The following LRBA variants were observed in gnomAD, a reference collection of about 807,000 sequenced individuals.
LRBA encodes the protein LPS responsive beige-like anchor protein, also known as lipopolysaccharide-responsive and beige-like anchor protein.
In LRBA, 176 loss-of-function variants were observed where a neutral mutation model predicts 330.0. The observed-to-expected ratio is 0.53, with a 90% confidence interval of 0.47 to 0.60. LRBA has a LOEUF of 0.60. Ranked by LOEUF, LRBA falls within the 20% of genes least tolerant of loss-of-function variation. The pLI is 0.00. For synonymous variants in LRBA, 1,230 were observed against 1,193.0 expected, an observed-to-expected ratio of 1.03 and a Z score of -0.64; for missense variants, 3,259 against 3,444.8, an observed-to-expected ratio of 0.95 and a Z score of 1.35.
At chr4:150,460,213 T>C (rs1428986875) in intron 44 of LRBA, among the ~76,000 whole-genome samples, 2 of 151,848 alleles carry the variant, frequency 1.3e-5, no homozygotes, top group African/African-American at 2.4e-5. Context: ...ATGTCGGTAG[T>C]CAATTCCAGG....
At chr4:150,389,188 G>T (rs1743520447) in intron 47 of LRBA, among the ~76,000 whole-genome samples, 2 of 151,936 alleles carry the variant, frequency 1.3e-5, no homozygotes, top group South Asian at 4.2e-4. Context: ...CTAGGAAAAT[G>T]CCAATTAAGA....
At chr4:150,900,590 C>T (rs571585999) in intron 13 of LRBA, among the ~76,000 whole-genome samples, 1 of 152,012 alleles carries the variant, frequency 6.6e-6, no homozygotes, top group Non-Finnish European at 1.5e-5. Flanking sequence ...TTTGAAAAAG[C>T]TAGAATTTCT....
rs530928202 is a variant in LRBA, at chr4:150,832,729, A to G, written c.4570-753T>C. ...GTGCCAAAAAATAAACATGCAGAAG[A>G]AAAAAACTGAAGCTATTAGATACAG... On this transcript the variant is annotated intron_variant, in intron 28 of 56. Coordinates refer to ENST00000651943, the MANE Select transcript of LRBA (RefSeq NM_001364905.1). Among the ~76,000 whole-genome samples, 5 of 152,316 alleles carry G rather than the reference A, an allele frequency of 3.3e-5. No homozygotes were observed. The East Asian group carries it at 9.6e-4, about 29-fold the overall frequency.
chr4:150,648,215 A>C (rs919210129), intron 37 of LRBA, among the ~76,000 whole-genome samples: 5 of 147,218 alleles, frequency 3.4e-5, no homozygotes, highest in Non-Finnish European at 6.0e-5. Context: ...CCAGTGGAAC[A>C]AAATAACTTG....
intron 46 of LRBA, 39 bp from the exon 47 acceptor site, chr4:150,415,629 T>C (rs554526815): frequency 2.5e-6 from 3 of 1,205,494 alleles, no homozygotes; most frequent in South Asian, 1.3e-5. Context: ...TTATAAACTG[T>C]AGGATACTGA....
intron 2 of LRBA, among the ~76,000 whole-genome samples, chr4:150,995,958 CT>C (rs1742586316): frequency 6.6e-6 from 1 of 151,498 alleles, no homozygotes; most frequent in Admixed American, 6.6e-5. Context: ...TAGGGAGAGT[CT>C]TCAGTAGAGG....
intron 37 of LRBA, among the ~76,000 whole-genome samples, chr4:150,649,339 T>C (rs1779495155): frequency 6.6e-6 from 1 of 152,194 alleles, no homozygotes; most frequent in African/African-American, 2.4e-5. Flanking sequence ...TCTCATTTTA[T>C]TTCTCACCAA....
At chr4:150,374,646 T>C (rs1488529598) in intron 47 of LRBA, among the ~76,000 whole-genome samples, 2 of 152,226 alleles carry the variant, frequency 1.3e-5, no homozygotes, top group African/African-American at 2.4e-5. Context: ...GAAATGCTTA[T>C]TGAAGAATTT....
chr4:150,764,103 T>C (rs969179827), intron 34 of LRBA, among the ~76,000 whole-genome samples: 4 of 151,908 alleles, frequency 2.6e-5, no homozygotes, highest in Non-Finnish European at 5.9e-5. Flanking sequence ...ACAGAAAACT[T>C]CAAAATAGAA....
intron 42 of LRBA, among the ~76,000 whole-genome samples, chr4:150,484,692 C>A (rs900164950): frequency 1.3e-5 from 2 of 151,376 alleles, no homozygotes; most frequent in African/African-American, 4.8e-5. Context: ...TTCCCACATT[C>A]TTCAGATTGA....
At chr4:150,609,077 G>A (rs1001635043) in intron 37 of LRBA, among the ~76,000 whole-genome samples, 57 of 152,152 alleles carry the variant, frequency 3.7e-4, no homozygotes, top group African/African-American at 1.4e-3. Flanking sequence ...GAAGTACTTG[G>A]TTAGCTATCT....
intron 38 of LRBA, among the ~76,000 whole-genome samples, chr4:150,597,700 C>T (rs149362724): frequency 5.3e-5 from 8 of 151,678 alleles, no homozygotes; most frequent in Admixed American, 3.3e-4. Flanking sequence ...CCAAAACAAA[C>T]CAGAAAATCC....
At chr4:150,882,469 T>A (rs1258748519) in intron 17 of LRBA, among the ~76,000 whole-genome samples, 4 of 152,202 alleles carry the variant, frequency 2.6e-5, no homozygotes, top group Non-Finnish European at 5.9e-5. Context: ...TAAATGTTTA[T>A]TCTCTATTTG....
chr4:150,544,680 A>C (rs1331397094), intron 40 of LRBA, among the ~76,000 whole-genome samples: 1 of 152,184 alleles, frequency 6.6e-6, no homozygotes, highest in East Asian at 1.9e-4. Context: ...CATTAAGAAA[A>C]ACCATGTTTG....
chr4:150,764,751 C>T (rs1309765505), intron 34 of LRBA, among the ~76,000 whole-genome samples: 2 of 151,950 alleles, frequency 1.3e-5, no homozygotes, highest in African/African-American at 2.4e-5. Flanking sequence ...GGCCAAAATC[C>T]AGTACACTGA....
chr4:150,770,558 A>G (rs1164704296), intron 34 of LRBA, among the ~76,000 whole-genome samples: 1 of 143,986 alleles, frequency 6.9e-6, no homozygotes, highest in Non-Finnish European at 1.5e-5. Context: ...AGAGGAAAGA[A>G]AACAAAGATT....
rs948936884 is a variant in LRBA, at chr4:150,841,745, C to T, written c.4569+2355G>A. Among the ~76,000 whole-genome samples the T allele has an allele frequency of 2.0e-5, 3 of 151,996 alleles. No individual in the cohort carries two copies. In the East Asian group the frequency reaches 5.8e-4, roughly 29 times the overall value. On this transcript the variant is annotated intron_variant, in intron 28 of 56. Transcript: ENST00000651943. ...TGGGCTCACTGCAAGCTCCGCCTCCCGAGTTCACGCCATTCTCCCGCCTCA... is the reference window on the plus strand; with the variant it reads ...TGGGCTCACTGCAAGCTCCGCCTCCTGAGTTCACGCCATTCTCCCGCCTCA...
In LRBA at chr4:150,512,035, C is replaced by T. The variant is rs889902168; in HGVS notation, c.6331-21000G>A. On this transcript the variant is annotated intron_variant, in intron 40 of 56. Transcript: ENST00000651943. ...AGTACTTATTTTAGTAATTCCAGTGCTACTGGTACATCACAGAACTCAATA... is the reference window on the plus strand; with the variant it reads ...AGTACTTATTTTAGTAATTCCAGTGTTACTGGTACATCACAGAACTCAATA... 2.6e-5 allele frequency among the ~76,000 whole-genome samples: 4 copies of T among 152,332 alleles called. No homozygotes were observed. The East Asian group carries it at 7.7e-4, about 29-fold the overall frequency.
intron 40 of LRBA, chr4:150,581,294 A>G: frequency 2.3e-6 from 1 of 438,670 alleles, no homozygotes; most frequent in Non-Finnish European, 4.6e-6. Context: ...CGAAATTACT[A>G]AAAAGAGATT....
Sources: gnomAD v4.1 joint callset for allele counts (sites outside exome capture counted in the v4.1 genomes callset) on GRCh38, gnomAD v4.1.1 for gene constraint, MANE v1.5 for transcripts, NCBI Gene and HGNC (gene_info 2026-07-23, HGNC 2026-07-21) for gene names.